The following CLTCL1 variants were observed in gnomAD, a reference collection of about 807,000 sequenced individuals.
CLTCL1 encodes clathrin heavy chain like 1.
In CLTCL1, 159 loss-of-function variants were observed where a neutral mutation model predicts 190.0. That is an observed-to-expected ratio of 0.84 (90% CI 0.74 to 0.95). The LOEUF is 0.95. CLTCL1 is among the 40% of genes least tolerant of loss of function. The pLI, the probability that CLTCL1 is intolerant of heterozygous loss-of-function variation, is 0.00. For synonymous variants in CLTCL1, 752 were observed against 769.6 expected (o/e 0.98, Z 0.38); for missense variants, 1,878 against 2,033.4 (o/e 0.92, Z 1.47).
chr22:19,209,268 A>G, intron 20 of CLTCL1, 154 bp from the exon 21 acceptor site: 1 of 596,652 alleles, frequency 1.7e-6, no homozygotes, highest in Non-Finnish European at 2.8e-6. Context: ...TCAGATGGAC[A>G]GGTTGAGGGA....
At chr22:19,210,172 A>C (rs1328185307) in intron 20 of CLTCL1, among the ~76,000 whole-genome samples, 154 bp downstream of exon 20, 1 of 152,078 alleles carries the variant, frequency 6.6e-6, no homozygotes. Context: ...CGGGCTGGGA[A>C]GATGGGTTGC....
intron 22 of CLTCL1, chr22:19,207,523 C>A (rs2085087874): frequency 7.5e-6 from 3 of 401,770 alleles, no homozygotes; most frequent in Non-Finnish European, 1.3e-5. Flanking sequence ...CTTACTTCCT[C>A]GTGTGGCTTG....
At chr22:19,265,922 G>A (rs1555977735) in intron 2 of CLTCL1, among the ~76,000 whole-genome samples, 1 of 152,126 alleles carries the variant, frequency 6.6e-6, no homozygotes, top group Non-Finnish European at 1.5e-5. Context: ...ACCTAGGCTG[G>A]AGTGCAATGG....
At chr22:19,214,223 A>G (rs2085317475) in intron 19 of CLTCL1, among the ~76,000 whole-genome samples, 1 of 152,202 alleles carries the variant, frequency 6.6e-6, no homozygotes, top group African/African-American at 2.4e-5. Flanking sequence ...CAGCAGGGGC[A>G]CGTCAGAGGT....
chr22:19,219,457 T>C (rs1396059544), intron 18 of CLTCL1, among the ~76,000 whole-genome samples: 2 of 151,076 alleles, frequency 1.3e-5, no homozygotes, highest in African/African-American at 4.9e-5. Flanking sequence ...AGTGCTAGGA[T>C]TACAGGCGTG....
intron 2 of CLTCL1, among the ~76,000 whole-genome samples, chr22:19,275,108 G>A (rs144447435): frequency 1.3e-5 from 2 of 152,238 alleles, no homozygotes; most frequent in African/African-American, 4.8e-5. Context: ...CCTTTTATTT[G>A]CCAAATGAAG....
intron 26 of CLTCL1, among the ~76,000 whole-genome samples, chr22:19,192,993 G>A (rs2084564469): frequency 6.6e-6 from 1 of 152,194 alleles, no homozygotes; most frequent in Non-Finnish European, 1.5e-5. Flanking sequence ...CAGTCAGGAT[G>A]TGATGTGGGG....
intron 27 of CLTCL1, among the ~76,000 whole-genome samples, chr22:19,189,999 T>C (rs372318565): frequency 4.2e-4 from 64 of 152,226 alleles, no homozygotes; most frequent in African/African-American, 1.5e-3. Flanking sequence ...CAGGCTGGAG[T>C]GCTGTGGTGC....
intron 1 of CLTCL1, among the ~76,000 whole-genome samples, chr22:19,291,310 T>C (rs2088111511): frequency 6.6e-6 from 1 of 152,152 alleles, no homozygotes; most frequent in African/African-American, 2.4e-5. Flanking sequence ...GGAATTTGTG[T>C]GCCTCCTCGC....
At chr22:19,231,272 C>G (rs2085912103) in intron 10 of CLTCL1, among the ~76,000 whole-genome samples, 1 of 152,236 alleles carries the variant, frequency 6.6e-6, no homozygotes, top group Admixed American at 6.5e-5. Flanking sequence ...ATTGCCTAGG[C>G]TGAAGCAGTG....
intron 11 of CLTCL1, 87 bp from the exon 12 acceptor site, chr22:19,226,470 T>C: frequency 6.8e-7 from 1 of 1,477,188 alleles, no homozygotes; most frequent in Non-Finnish European, 9.3e-7. Flanking sequence ...CAGGGTAGGG[T>C]ATAGCCTGGC....
At chr22:19,187,433 C>A (rs913997888) in intron 29 of CLTCL1, 125 bp downstream of exon 29, 5 of 924,536 alleles carry the variant, frequency 5.4e-6, no homozygotes, top group East Asian at 2.5e-5. Flanking sequence ...CCACCCACCA[C>A]GAGGATCCCC....
intron 11 of CLTCL1, among the ~76,000 whole-genome samples, chr22:19,228,476 C>T (rs1230272332): frequency 2.0e-5 from 3 of 152,142 alleles, no homozygotes; most frequent in South Asian, 2.1e-4. Context: ...TCACCAGAAA[C>T]GGTTACATAC....
chr22:19,269,179 A>C (rs1555979295), intron 2 of CLTCL1, among the ~76,000 whole-genome samples: 1 of 151,970 alleles, frequency 6.6e-6, no homozygotes, highest in Admixed American at 6.6e-5. Context: ...AAGGGGGTGG[A>C]TCATGAGGTC....
chr22:19,266,407 C>A (rs1210425157), intron 2 of CLTCL1, among the ~76,000 whole-genome samples: 1 of 152,138 alleles, frequency 6.6e-6, no homozygotes, highest in Non-Finnish European at 1.5e-5. Flanking sequence ...AGATTCACAG[C>A]AAGTAAGGAA....
chr22:19,269,653 GCCATCAT>G (rs2087239867), intron 2 of CLTCL1, among the ~76,000 whole-genome samples: 1 of 152,132 alleles, frequency 6.6e-6, no homozygotes, highest in South Asian at 2.1e-4. Flanking sequence ...GAAGCTGGAA[GCCATCAT>G]CCTCAGCAAA....
intron 2 of CLTCL1, among the ~76,000 whole-genome samples, chr22:19,257,069 T>A (rs868907825): frequency 6.6e-6 from 1 of 152,166 alleles, no homozygotes; most frequent in Non-Finnish European, 1.5e-5. Flanking sequence ...CCAAACACAT[T>A]TTTTATAAAA....
chr22:19,192,752 C>G (rs1430704059), intron 26 of CLTCL1, among the ~76,000 whole-genome samples: 2 of 152,212 alleles, frequency 1.3e-5, no homozygotes, highest in African/African-American at 4.8e-5. Flanking sequence ...CTGACCCAGA[C>G]AGGCAGCAGG....
chr22:19,235,949 G>A, intron 5 of CLTCL1, 80 bp from the exon 6 acceptor site: 1 of 1,250,364 alleles, frequency 8.0e-7, no homozygotes, highest in Non-Finnish European at 1.1e-6. Context: ...AAATGATAAA[G>A]AGGATTCTTG....
Sources: gnomAD v4.1 joint callset for allele counts (sites outside exome capture counted in the v4.1 genomes callset) on GRCh38, gnomAD v4.1.1 for gene constraint, MANE v1.5 for transcripts, NCBI Gene and HGNC (gene_info 2026-07-23, HGNC 2026-07-21) for gene names.